Variants in MAP4 observed in about 807,000 individuals in gnomAD.
MAP4 encodes microtubule associated protein 4.
A neutral mutation model predicts 170.2 loss-of-function variants in MAP4; 76 were observed. The observed-to-expected ratio is 0.45, with a 90% confidence interval of 0.37 to 0.54. MAP4 has a LOEUF of 0.54. MAP4 is among the 20% of genes least tolerant of loss of function. MAP4 has a pLI of 0.00. For missense variants in MAP4, 2,506 were observed against 2,748.0 expected (o/e 0.91, Z 1.97); for synonymous variants, 909 against 994.5 (o/e 0.91, Z 1.62).
chr3:48,057,831 A>T (rs1191784463), intron 1 of MAP4, among the ~76,000 whole-genome samples: 1 of 152,180 alleles, frequency 6.6e-6, no homozygotes, highest in Non-Finnish European at 1.5e-5. Context: ...AACTGGGTAA[A>T]GTGTACAAGG....
intron 2 of MAP4, among the ~76,000 whole-genome samples, chr3:47,985,307 G>A (rs928541684): frequency 6.6e-6 from 1 of 151,950 alleles, no homozygotes; most frequent in African/African-American, 2.4e-5. Context: ...GCATGGTGGT[G>A]CATGCCTGCA....
At chr3:48,079,391 C>A (rs940587682) in intron 1 of MAP4, among the ~76,000 whole-genome samples, 1 of 152,062 alleles carries the variant, frequency 6.6e-6, no homozygotes, top group Non-Finnish European at 1.5e-5. Flanking sequence ...CAGTGGCTCA[C>A]GTCTGTAATC....
chr3:47,883,349 T>C (rs1000203067), intron 10 of MAP4, among the ~76,000 whole-genome samples: 1 of 152,094 alleles, frequency 6.6e-6, no homozygotes, highest in African/African-American at 2.4e-5. Context: ...TCAGCCTTCC[T>C]GAGTAGCTGG....
intron 10 of MAP4, among the ~76,000 whole-genome samples, chr3:47,898,317 C>T (rs1390752262): frequency 9.9e-5 from 15 of 151,886 alleles, no homozygotes; most frequent in Non-Finnish European, 2.9e-5. Flanking sequence ...TCCTGGCCAA[C>T]GTGATGAAAC....
chr3:48,057,671 G>C (rs1227723339), intron 1 of MAP4, among the ~76,000 whole-genome samples: 1 of 146,778 alleles, frequency 6.8e-6, no homozygotes, highest in Admixed American at 6.7e-5. Flanking sequence ...GTAAGCATGC[G>C]ACTACCATAT....
chr3:47,875,567 C>G (rs1023187672), intron 12 of MAP4, 118 bp downstream of exon 12: 2 of 973,644 alleles, frequency 2.1e-6, no homozygotes, highest in African/African-American at 3.3e-5. Context: ...CCCCATTTCC[C>G]TTGCCTTTTC....
At chr3:47,989,191 G>T (rs957710037) in intron 2 of MAP4, among the ~76,000 whole-genome samples, 7 of 152,216 alleles carry the variant, frequency 4.6e-5, no homozygotes, top group Non-Finnish European at 7.3e-5. Context: ...CGGAAGGGCT[G>T]CTTGAGGCCA....
Position 47,990,736 on chromosome 3 carries a change from T to C in MAP4, c.223+7902A>G, listed in dbSNP as rs994958125. Among the ~76,000 whole-genome samples, 4 of 152,334 alleles carry C rather than the reference T, an allele frequency of 2.6e-5. No individual in the cohort carries two copies. The South Asian group carries it at 8.3e-4, about 32-fold the overall frequency. ...ATCTAAGAGAAAGGGTTCTATCTTT[T>C]GTCTCCCTCACCTAGAAAATAGGGC... is the stretch of plus-strand genomic sequence containing the variant. On this transcript the variant is annotated intron_variant, in intron 2 of 20. Transcript: ENST00000683076.
chr3:47,881,550 T>TATTTCTTTCC (rs2096773314), intron 10 of MAP4, among the ~76,000 whole-genome samples: 1 of 144,848 alleles, frequency 6.9e-6, no homozygotes, highest in Non-Finnish European at 1.5e-5. Flanking sequence ...TAACATGATA[T>TATTTCTTTCC]ATTTCTTTCC....
At chr3:47,879,602 A>G (rs2096287827) in intron 10 of MAP4, among the ~76,000 whole-genome samples, 1 of 152,142 alleles carries the variant, frequency 6.6e-6, no homozygotes. Context: ...TTTTCACTTT[A>G]CATGCACTCA....
chr3:47,939,807 A>T (rs564040290), intron 3 of MAP4, among the ~76,000 whole-genome samples: 1 of 151,812 alleles, frequency 6.6e-6, no homozygotes, highest in Non-Finnish European at 1.5e-5. Context: ...GAGAAGGAGC[A>T]TGAAAGTCTG....
At chr3:47,860,921 T>A (rs2064537105) in intron 17 of MAP4, among the ~76,000 whole-genome samples, 1 of 152,052 alleles carries the variant, frequency 6.6e-6, no homozygotes, top group Non-Finnish European at 1.5e-5. Flanking sequence ...TCAAGGAAAT[T>A]ACCAGTAAAA....
chr3:48,036,183 C>T (rs1279803758), intron 1 of MAP4, among the ~76,000 whole-genome samples: 1 of 152,174 alleles, frequency 6.6e-6, no homozygotes, highest in Admixed American at 6.5e-5. Context: ...TTATAGCAAG[C>T]TCTATGCAAA....
chr3:48,069,979 A>G (rs2100140177), intron 1 of MAP4, among the ~76,000 whole-genome samples: 1 of 151,984 alleles, frequency 6.6e-6, no homozygotes, highest in Non-Finnish European at 1.5e-5. Flanking sequence ...TAGTGAAAAA[A>G]AATTTTTTTT....
Position 47,871,978 on chromosome 3 carries a change from A to G in MAP4, c.5880T>C (p.Ala1960=). The change falls in exon 13 of 21, where the codon GCT becomes GCC. Residue 1960 remains alanine, a synonymous_variant. Transcript: ENST00000683076. The part of the protein sequence containing the change: ...QTVAKTTTAA[A]VASTGPSSRS... ...TACTGCTTGGGCCAGTTGAGGCAAC[A>G]GCAGCAGCTGTTGTGGTTTTTGCAA... 6.2e-7 allele frequency: 1 copy of G among 1,614,048 alleles called. No homozygotes were observed. The highest frequency in any genetic ancestry group is 8.5e-7 in the Non-Finnish European group (1 of 1,179,940).
chr3:47,930,127 TCTCAAAAAACAAAACCAAA>T (rs1225863980), intron 3 of MAP4, among the ~76,000 whole-genome samples: 3 of 149,930 alleles, frequency 2.0e-5, no homozygotes, highest in Non-Finnish European at 4.4e-5. Context: ...TGAGACTGCG[TCTCAAAAAACAAAACCAAA>T]CAAAAAAACA....
chr3:47,972,186 C>T (rs759989039), intron 3 of MAP4, among the ~76,000 whole-genome samples: 4 of 152,186 alleles, frequency 2.6e-5, no homozygotes, highest in Admixed American at 1.3e-4. Context: ...ACATATTGTA[C>T]TTGCAACCCT....
intron 1 of MAP4, among the ~76,000 whole-genome samples, chr3:48,059,514 CAAAAAAAAA>C (rs762700404): frequency 1.7e-4 from 3 of 18,006 alleles, no homozygotes; most frequent in East Asian, 1.9e-3. Flanking sequence ...GACTCCATCT[CAAAAAAAAA>C]AAAAAAAAAA....
chr3:47,870,898 G>C lies in MAP4; in HGVS notation c.6209C>G (p.Thr2070Ser). 1 of 1,613,756 alleles carries C rather than the reference G, an allele frequency of 6.2e-7. No individual in the cohort carries two copies. Among genetic ancestry groups the C allele is most frequent in the Non-Finnish European group, 8.5e-7 (1 of 1,179,848 alleles). The change falls in exon 15 of 21, where the codon ACC becomes AGC. Residue 2070 changes from threonine (T) to serine (S), a missense_variant. This residue lies in a region of MAP4 where 487 missense variants were observed against 511.6 expected (regional missense o/e 0.95). Transcript: ENST00000683076. ...CTTCAGATCAGGAGCAGAAGTATTG[G>C]TGGCCAGGCGGCTGAGCCGGGGGGT... ...STTPRLSRLA[T>S]NTSAPDLKNV... is the part of the protein sequence containing the mutation.
Sources: gnomAD v4.1 joint callset for allele counts (sites outside exome capture counted in the v4.1 genomes callset) on GRCh38, gnomAD v4.1.1 for gene constraint, gnomAD v4.1.1 regional missense constraint, MANE v1.5 for transcripts, NCBI Gene and HGNC (gene_info 2026-07-23, HGNC 2026-07-21) for gene names.